Variants in SARDH observed in about 807,000 individuals in gnomAD.
The protein encoded by SARDH is sarcosine dehydrogenase.
A neutral mutation model predicts 109.1 loss-of-function variants in SARDH; 95 were observed. That is an observed-to-expected ratio of 0.87 (90% confidence interval 0.74 to 1.03). SARDH has a LOEUF of 1.03. Among genes scored for constraint, SARDH ranks in the 50% least tolerant of loss-of-function variants. The pLI, the probability that SARDH is intolerant of heterozygous loss-of-function variation, is 0.00. For synonymous variants in SARDH, 572 were observed against 534.8 expected, an observed-to-expected ratio of 1.07 and a Z score of -0.96; for missense variants, 1,267 against 1,287.8, an observed-to-expected ratio of 0.98 and a Z score of 0.25.
At chr9:133,708,471 C>T (rs1235161742) in intron 10 of SARDH, 43 bp from the exon 11 acceptor site, 16 of 1,575,784 alleles carry the variant, frequency 1.0e-5, no homozygotes, top group African/African-American at 6.8e-5. Flanking sequence ...GGGGATGGCC[C>T]GTCAGGGAAG....
chr9:133,737,859 C>T (rs183918917), intron 1 of SARDH, among the ~76,000 whole-genome samples: 70 of 152,370 alleles, frequency 4.6e-4, no homozygotes, highest in African/African-American at 1.4e-3. Flanking sequence ...GTCAGCTTCC[C>T]AGGAGTGAGG....
Position 133,719,045 on chromosome 9 carries a change from G to A in SARDH, c.916-3C>T, listed in dbSNP as rs1476143322. ...TGATCACGGACATTGGGCATGTTCT[G>A]GAAGGCAGAGAGAGAGGCCTTGGCA... On this transcript the variant is annotated splice_region_variant and splice_polypyrimidine_tract_variant and intron_variant, in intron 6 of 20. Transcript: ENST00000439388. 2 of 1,613,622 alleles carry A rather than the reference G, an allele frequency of 1.2e-6. No individual in the cohort carries two copies. The highest frequency in any genetic ancestry group is 3.3e-5 in the Admixed American group (2 of 60,028).
chr9:133,731,462 T>A lies in SARDH; in HGVS notation c.533A>T (p.Glu178Val), dbSNP rs1446366488. Residue 178 changes from glutamate (E) to valine (V), a missense_variant, in exon 4 of 21, where the codon GAA becomes GTA. Glu to Val is a moderately radical substitution (Grantham distance 121, BLOSUM62 -2). Transcript: ENST00000439388. ...CTCTGCCGGGCTCAGCACATGGGAT[T>A]CCACACCATACGCCTTGCCCAGCTA... ...LMSLGKAYGV[E>V]SHVLSPAETK... is the part of the protein sequence containing the mutation. The A allele has an allele frequency of 6.2e-7, 1 of 1,614,026 alleles. No individual in the cohort carries two copies. The highest frequency in any genetic ancestry group is 1.7e-5 in the Admixed American group (1 of 60,004).
intron 6 of SARDH, among the ~76,000 whole-genome samples, chr9:133,720,343 G>A (rs1832281355): frequency 6.6e-6 from 1 of 152,176 alleles, no homozygotes; most frequent in African/African-American, 2.4e-5. Context: ...CAGGAGAATG[G>A]CTTGAACCTG....
rs577800477 is a variant in SARDH, at chr9:133,675,813, GGGCATAGT to G, written c.2164-4124_2164-4117del. Among the ~76,000 whole-genome samples, 434 of 152,316 alleles carry G rather than the reference GGGCATAGT, an allele frequency of 2.8e-3. 1 individual carries two copies. The highest frequency in any genetic ancestry group is 9.8e-3 in the African/African-American group (406 of 41,570). ...TCCATCAGCAGAGGATGAACAAGCA[GGGCATAGT>G]GGCTCACACCTGTAATCCCAGTACT... On this transcript the variant is annotated intron_variant, in intron 17 of 20. Transcript: ENST00000439388.
rs1391352094 is a variant in SARDH at position 133,693,864 on chromosome 9, T to TCACA, written c.1921+390_1921+393dup. Among the ~76,000 whole-genome samples, 1 of 152,062 alleles carries TCACA rather than the reference T, an allele frequency of 6.6e-6. No individual in the cohort carries two copies. Among genetic ancestry groups the TCACA allele is most frequent in the African/African-American group, 2.4e-5 (1 of 41,400 alleles). On this transcript the variant is annotated intron_variant, in intron 15 of 20. Transcript: ENST00000439388. This position sits in a 1 kb window ranked among gnomAD's most constrained non-coding sequence, Gnocchi z 5.6. The stretch of plus-strand genomic sequence containing the variant: ...CCTATCCAAGCTCCAGACTAGAGGG[T>TCACA]CACACGGGCCTGAGAAGTCAACCCA...
chr9:133,694,406 A>AGGCCCCAGCCGGGTCTGTGCTGC (rs762082083), intron 14 of SARDH, 35 bp from the exon 15 acceptor site: 40 of 1,516,086 alleles, frequency 2.6e-5, no homozygotes, highest in Non-Finnish European at 3.0e-5. Flanking sequence ...GTCTGTGCTG[A>AGGCCCCAGCCGGGTCTGTGCTGC]GGCCCCAGCC....
Position 133,663,752 on chromosome 9 carries a change from GT to G in SARDH, c.*136del. 2 of 1,253,448 alleles carry G rather than the reference GT, an allele frequency of 1.6e-6. No homozygotes were observed. Among genetic ancestry groups the G allele is most frequent in the Admixed American group, 4.4e-5 (2 of 45,050 alleles). 77.6% of individuals were successfully genotyped at this position (1,253,448 alleles called of 1,614,324 possible). On this transcript the variant is annotated 3_prime_UTR_variant, in exon 21 of 21. Transcript: ENST00000439388. ...GTCTCTGTCCGTATCTGGTTTGGGG[GT>G]TTTCGCAGGACTAGGCCTAGGCTAA...
rs997737775 is a variant in SARDH at position 133,693,974 on chromosome 9, G to A, written c.1921+284C>T. 2.6e-5 allele frequency among the ~76,000 whole-genome samples: 4 copies of A among 152,224 alleles called. No individual in the cohort carries two copies. In the South Asian group the frequency reaches 6.2e-4, roughly 24 times the overall value. Reference sequence around the variant, plus strand: ...TTGGTACGCTTTGTTCCGGGAAACCGAGCCGAGCACGCCCACACTGCAGCC... The same window carrying A: ...TTGGTACGCTTTGTTCCGGGAAACCAAGCCGAGCACGCCCACACTGCAGCC... On this transcript the variant is annotated intron_variant, in intron 15 of 20. Transcript: ENST00000439388. This position sits in a 1 kb window ranked among gnomAD's most constrained non-coding sequence, Gnocchi z 5.6.
chr9:133,730,147 G>C lies in SARDH; in HGVS notation c.731C>G (p.Thr244Arg). 1 of 1,614,204 alleles carries C rather than the reference G, an allele frequency of 6.2e-7. No homozygotes were observed. Among genetic ancestry groups the C allele is most frequent in the Non-Finnish European group, 8.5e-7 (1 of 1,180,038 alleles). The change falls in exon 5 of 21, where the codon ACG becomes AGG. Residue 244 changes from threonine to arginine, a missense_variant. Thr to Arg is a moderately conservative substitution (Grantham distance 71). Transcript: ENST00000439388. ...NCPVTGIRVW[T>R]DDFGVRRVAG... ...GACCCGCCGCACCCCAAAATCATCC[G>C]TCCACACACGAATGCCGGTCACTGG...
chr9:133,682,903 G>A (rs540335285), intron 17 of SARDH, among the ~76,000 whole-genome samples: 3 of 152,146 alleles, frequency 2.0e-5, no homozygotes, highest in African/African-American at 7.2e-5. Context: ...TGAAACCCAT[G>A]CGCAGTGATG....
intron 1 of SARDH, among the ~76,000 whole-genome samples, chr9:133,735,745 T>C (rs1463448752): frequency 6.6e-6 from 1 of 152,152 alleles, no homozygotes; most frequent in Non-Finnish European, 1.5e-5. Context: ...TCGGTGGAGA[T>C]TTTAAGATGC....
intron 19 of SARDH, among the ~76,000 whole-genome samples, chr9:133,669,691 C>T (rs1282801049): frequency 6.6e-6 from 1 of 152,216 alleles, no homozygotes; most frequent in Non-Finnish European, 1.5e-5. Flanking sequence ...CCTTCCACCT[C>T]TGCCGTGTGA....
intron 18 of SARDH, 58 bp downstream of exon 18, chr9:133,671,477 C>A (rs1410046562): frequency 5.4e-6 from 8 of 1,486,048 alleles, no homozygotes; most frequent in Non-Finnish European, 5.4e-6. Flanking sequence ...GTGTCTCGAG[C>A]GTCACTGCCC....
rs1292123271 is a variant in SARDH at position 133,718,900 on chromosome 9, C to T, written c.1020+38G>A. ...CCCTCTCCATGCTGAGATGCAGCCC[C>T]AACTCCCTCCCATTATCCCAGGGCC... On this transcript the variant is annotated intron_variant, in intron 7 of 20. Transcript: ENST00000439388. The surrounding 1 kb of genome is among the most constrained non-coding windows in gnomAD (Gnocchi z 4.2). The T allele has an allele frequency of 6.7e-7, 1 of 1,491,612 alleles. No homozygotes were observed. The highest frequency in any genetic ancestry group is 9.4e-7 in the Non-Finnish European group (1 of 1,069,170). The allele number at this position is 1,491,612 out of a possible 1,614,324, so 92.4% of individuals were successfully genotyped here. A position where few individuals can be genotyped will look rare whatever the true frequency, so the allele number is the denominator to read the frequency against.
At position 133,666,579 on chromosome 9, in the gene SARDH, TTCCCTCC is replaced by T. The variant is rs937518454; in HGVS notation, c.2631+149_2631+155del. 6.9e-6 allele frequency among the ~76,000 whole-genome samples: 1 copy of T among 144,226 alleles called. No individual in the cohort carries two copies. Among genetic ancestry groups the T allele is most frequent in the African/African-American group, 2.5e-5 (1 of 39,330 alleles). The allele number at this position is 144,226 out of a possible 152,430, so 94.6% of individuals were successfully genotyped here. On this transcript the variant is annotated intron_variant, in intron 20 of 20. Coordinates refer to ENST00000439388, the MANE Select transcript of SARDH (RefSeq NM_001134707.2). The surrounding 1 kb of genome is among the most constrained non-coding windows in gnomAD (Gnocchi z 5.2). The stretch of plus-strand genomic sequence containing the variant: ...TTCTCCTCCTTCCTTCCTCCCCCTC[TTCCCTCC>T]TCCCTCCTTTCTCTTCCCTCCTCCT...
chr9:133,659,881 T>G (rs1832389936), downstream of SARDH, among the ~76,000 whole-genome samples: 1 of 151,930 alleles, frequency 6.6e-6, no homozygotes, highest in Admixed American at 6.6e-5. Context: ...TCACACCCAA[T>G]TGCCAGCCCA....
intron 14 of SARDH, among the ~76,000 whole-genome samples, chr9:133,695,957 C>A (rs1055247733): frequency 6.6e-6 from 1 of 152,056 alleles, no homozygotes; most frequent in African/African-American, 2.4e-5. Context: ...CCAGCTGCCA[C>A]ACATCCTTTC....
At chr9:133,681,736 G>A (rs138513530) in intron 17 of SARDH, among the ~76,000 whole-genome samples, 5 of 152,308 alleles carry the variant, frequency 3.3e-5, no homozygotes, top group Admixed American at 6.5e-5. Context: ...GTGGCCCTAC[G>A]TGAGCTGACG....
Sources: gnomAD v4.1 joint callset for allele counts (sites outside exome capture counted in the v4.1 genomes callset) on GRCh38, gnomAD v4.1.1 for gene constraint, Gnocchi (gnomAD v3.1) non-coding constraint, MANE v1.5 for transcripts, NCBI Gene and HGNC (gene_info 2026-07-23, HGNC 2026-07-21) for gene names.